SDK1: variants seen among roughly 807,000 people sequenced by gnomAD.
The protein encoded by SDK1 is sidekick cell adhesion molecule 1.
In SDK1, 157 loss-of-function variants were observed where a neutral mutation model predicts 245.5. The ratio of observed to expected loss-of-function variants is 0.64; its 90% CI spans 0.56 to 0.73. The LOEUF (loss-of-function observed/expected upper bound fraction) is 0.73, where lower values mean the gene tolerates loss of function less well. Among genes scored for constraint, SDK1 ranks in the 30% least tolerant of loss-of-function variants. SDK1 has a pLI of 0.00. For missense variants in SDK1, 3,583 were observed against 3,002.3 expected (o/e 1.19, Z -4.52); for synonymous variants, 1,647 against 1,278.5 (o/e 1.29, Z -6.15).
At chr7:3,894,594 T>A (rs1220185841) in intron 5 of SDK1, among the ~76,000 whole-genome samples, 1 of 152,152 alleles carries the variant, frequency 6.6e-6, no homozygotes, top group Non-Finnish European at 1.5e-5. Flanking sequence ...CAGTGCATAT[T>A]CCTGGAGAGC....
intron 32 of SDK1, among the ~76,000 whole-genome samples, chr7:4,164,094 G>A (rs1280683421): frequency 6.6e-6 from 1 of 152,200 alleles, no homozygotes; most frequent in Non-Finnish European, 1.5e-5. Flanking sequence ...GAATGTCCCA[G>A]TGTCTCCTGG....
chr7:3,729,000 G>T (rs1284933638), intron 4 of SDK1, among the ~76,000 whole-genome samples: 4 of 152,140 alleles, frequency 2.6e-5, no homozygotes, highest in Non-Finnish European at 4.4e-5. Context: ...GAGAATATAG[G>T]ATGCCAACGG....
intron 44 of SDK1, among the ~76,000 whole-genome samples, chr7:4,259,451 A>T (rs1787837156): frequency 6.6e-6 from 1 of 152,160 alleles, no homozygotes; most frequent in South Asian, 2.1e-4. Flanking sequence ...TAAATAAATA[A>T]ATCTTAAACA....
At position 4,265,364 on chromosome 7, in the gene SDK1, G is replaced by C. The variant is rs756486199; in HGVS notation, c.6622G>C (p.Gly2208Arg). Residue 2208 changes from glycine (G) to arginine (R), a missense_variant, in exon 45 of 45, where the codon GGC becomes CGC. By Grantham distance (125) the Gly-to-Arg change is moderately radical. Transcript: ENST00000404826. The part of the protein sequence containing the change: ...AGPGARTPLT[G>R]FSSFV ...CCCCGGCGCGCGAACTCCGCTCACC[G>C]GCTTCTCCTCCTTCGTGTGAGCAAA... 2 of 1,449,892 alleles carry C rather than the reference G, an allele frequency of 1.4e-6. No individual in the cohort carries two copies. The highest frequency in any genetic ancestry group is 9.0e-7 in the Non-Finnish European group (1 of 1,114,276). 89.8% of individuals were successfully genotyped at this position (1,449,892 alleles called of 1,614,324 possible). A position where few individuals can be genotyped will look rare whatever the true frequency, so the allele number is the denominator to read the frequency against.
intron 35 of SDK1, among the ~76,000 whole-genome samples, chr7:4,204,333 A>G (rs1357689136): frequency 6.6e-6 from 1 of 152,142 alleles, no homozygotes; most frequent in African/African-American, 2.4e-5. Context: ...ATGGGGCGGT[A>G]AATAAGAATT....
rs538274777 is a variant in SDK1 at position 4,234,218 on chromosome 7, C to T, written c.5992+799C>T. Among the ~76,000 whole-genome samples, 4 of 152,270 alleles carry T rather than the reference C, an allele frequency of 2.6e-5. No homozygotes were observed. The South Asian group carries it at 8.3e-4, about 32-fold the overall frequency. On this transcript the variant is annotated intron_variant, in intron 41 of 44. Coordinates refer to ENST00000404826, the MANE Select transcript of SDK1 (RefSeq NM_152744.4). Reference sequence around the variant, plus strand: ...TATTGCCGTCCCTGAGGATGGCGTGCAGGTGAAGGTACTGCCGATCCCAGG... The same window carrying T: ...TATTGCCGTCCCTGAGGATGGCGTGTAGGTGAAGGTACTGCCGATCCCAGG...
At chr7:4,194,099 G>C (rs1020211437) in intron 35 of SDK1, among the ~76,000 whole-genome samples, 11 of 152,064 alleles carry the variant, frequency 7.2e-5, no homozygotes, top group African/African-American at 2.7e-4. Context: ...ACCAACAGAA[G>C]AACTCCATCC....
chr7:4,158,551 G>A lies in SDK1; in HGVS notation c.4729G>A (p.Val1577Ile). 1 of 1,611,020 alleles carries A rather than the reference G, an allele frequency of 6.2e-7. No individual in the cohort carries two copies. The highest frequency in any genetic ancestry group is 8.5e-7 in the Non-Finnish European group (1 of 1,177,908). ...ETEAVTTLQD[V>I]PGEPPGSVSA... Reference sequence around the variant, plus strand: ...AGAGGCGGTGACCACGCTGCAGGATGGTGAGCAACCCGGGGCCCAGACCGC... The same window carrying A: ...AGAGGCGGTGACCACGCTGCAGGATAGTGAGCAACCCGGGGCCCAGACCGC... Residue 1577 changes from valine (V) to isoleucine (I), a missense_variant and splice_region_variant, in exon 31 of 45, where the codon GTT (valine) becomes ATT (isoleucine). Val to Ile is a conservative substitution (Grantham distance 29). Coordinates refer to ENST00000404826, the MANE Select transcript of SDK1 (RefSeq NM_152744.4).
intron 5 of SDK1, among the ~76,000 whole-genome samples, chr7:3,910,941 T>C (rs1346129320): frequency 6.6e-6 from 1 of 152,156 alleles, no homozygotes; most frequent in Non-Finnish European, 1.5e-5. Context: ...GTGGCTCCTC[T>C]CTCCCCAAGC....
chr7:3,431,329 C>CGGG (rs948225290), intron 1 of SDK1, among the ~76,000 whole-genome samples: 7 of 150,002 alleles, frequency 4.7e-5, no homozygotes, highest in Non-Finnish European at 7.4e-5. Context: ...AGAAAGACCC[C>CGGG]GGGTAGAATC....
chr7:3,628,134 G>A (rs1223269684), intron 2 of SDK1, among the ~76,000 whole-genome samples: 1 of 151,994 alleles, frequency 6.6e-6, no homozygotes, highest in African/African-American at 2.4e-5. Flanking sequence ...GGATCAAGTT[G>A]ACTCATGTAT....
chr7:3,780,833 C>A (rs183485670), intron 4 of SDK1, among the ~76,000 whole-genome samples: 190 of 152,164 alleles, frequency 1.2e-3, no homozygotes, highest in Admixed American at 3.1e-3. Context: ...AGCCAAAAAG[C>A]CTGCCCAATG....
At chr7:3,533,362 T>G (rs1783413440) in intron 1 of SDK1, among the ~76,000 whole-genome samples, 1 of 152,184 alleles carries the variant, frequency 6.6e-6, no homozygotes, top group African/African-American at 2.4e-5. Context: ...GGACACTGAT[T>G]ACTCATGAAA....
At chr7:4,055,257 A>T (rs1779123832) in intron 19 of SDK1, among the ~76,000 whole-genome samples, 1 of 152,196 alleles carries the variant, frequency 6.6e-6, no homozygotes, top group South Asian at 2.1e-4. Flanking sequence ...TTTTAATATA[A>T]ATGCAATTTA....
chr7:4,098,945 T>G (rs1782353681), intron 22 of SDK1, among the ~76,000 whole-genome samples: 1 of 150,160 alleles, frequency 6.7e-6, no homozygotes, highest in African/African-American at 2.5e-5. Context: ...AGTGCTGGGA[T>G]TACAGGTGTG....
At chr7:4,065,595 A>G (rs1025815207) in intron 19 of SDK1, among the ~76,000 whole-genome samples, 3 of 148,288 alleles carry the variant, frequency 2.0e-5, no homozygotes, top group South Asian at 4.3e-4. Context: ...CAGCCATTCT[A>G]TTTTACCATC....
At chr7:3,796,557 C>T (rs1422031443) in intron 4 of SDK1, among the ~76,000 whole-genome samples, 1 of 152,162 alleles carries the variant, frequency 6.6e-6, no homozygotes, top group African/African-American at 2.4e-5. Context: ...ACCCCACCTG[C>T]TGGCTCCACT....
In SDK1 at chr7:4,268,397, C is replaced by G; in HGVS notation, c.*3013C>G. 1 of 1,095,244 alleles carries G rather than the reference C, an allele frequency of 9.1e-7. No homozygotes were observed. The highest frequency in any genetic ancestry group is 1.1e-6 in the Non-Finnish European group (1 of 891,158). The allele number at this position is 1,095,244 out of a possible 1,614,324, so 67.8% of individuals were successfully genotyped here. Reference sequence around the variant, plus strand: ...CGGCCACCTTCTGGGTGAATCGGTCCAGCCCAAGCCCCTCTCCCCAGCCTC... The same window carrying G: ...CGGCCACCTTCTGGGTGAATCGGTCGAGCCCAAGCCCCTCTCCCCAGCCTC... On this transcript the variant is annotated 3_prime_UTR_variant, in exon 45 of 45. Coordinates refer to ENST00000404826, the MANE Select transcript of SDK1 (RefSeq NM_152744.4).
At chr7:3,845,519 A>G (rs1173445386) in intron 5 of SDK1, among the ~76,000 whole-genome samples, 2 of 144,506 alleles carry the variant, frequency 1.4e-5, no homozygotes, top group African/African-American at 2.6e-5. Context: ...AAAAGGCCCT[A>G]GAGAAAAGAG....
Sources: gnomAD v4.1 joint callset for allele counts (sites outside exome capture counted in the v4.1 genomes callset) on GRCh38, gnomAD v4.1.1 for gene constraint, MANE v1.5 for transcripts, NCBI Gene and HGNC (gene_info 2026-07-23, HGNC 2026-07-21) for gene names.